Variants in ZNF516 observed in about 807,000 individuals in gnomAD.
ZNF516 encodes zinc finger protein 516.
In ZNF516, 19 loss-of-function variants were observed where a neutral mutation model predicts 79.7. The observed-to-expected ratio is 0.24, with a 90% CI of 0.17 to 0.35. The LOEUF is 0.35. ZNF516 is among the 10% of genes least tolerant of loss of function. The pLI is 1.00. For missense variants in ZNF516, 1,678 were observed against 1,679.5 expected (o/e 1.00, Z 0.02); for synonymous variants, 877 against 739.5 (o/e 1.19, Z -3.02).
chr18:76,395,436 C>T lies in ZNF516; in HGVS notation c.1811-15133G>A, dbSNP rs190887727. 2.6e-5 allele frequency among the ~76,000 whole-genome samples: 4 copies of T among 152,286 alleles called. No homozygotes were observed. In the East Asian group the frequency reaches 7.7e-4, roughly 29 times the overall value. ...GGAGTCATTTAATATCCAAGACTCA[C>T]ATGCAATGAGACAGTGCACAGGAAA... On this transcript the variant is annotated intron_variant, in intron 3 of 6. Transcript: ENST00000443185.
intron 3 of ZNF516, among the ~76,000 whole-genome samples, chr18:76,429,796 G>A (rs1012317317): frequency 6.6e-6 from 1 of 152,208 alleles, no homozygotes; most frequent in Non-Finnish European, 1.5e-5. Context: ...CCGAGCAGTG[G>A]CTACGGAAAA....
chr18:76,359,732 A>C lies in ZNF516; in HGVS notation c.*2766T>G, dbSNP rs1489264112. The C allele has an allele frequency of 6.6e-6, 1 of 152,156 alleles. No individual in the cohort carries two copies. The highest frequency in any genetic ancestry group is 1.5e-5 in the Non-Finnish European group (1 of 68,030). 9.4% of individuals were successfully genotyped at this position (152,156 alleles called of 1,614,324 possible). Reference sequence around the variant, plus strand: ...ACGCAACACTGTAAAAAATCCTGTTAAGAAACAAGGAAACAGCAGATCGGG... The same window carrying C: ...ACGCAACACTGTAAAAAATCCTGTTCAGAAACAAGGAAACAGCAGATCGGG... On this transcript the variant is annotated 3_prime_UTR_variant, in exon 7 of 7. Transcript: ENST00000443185.
At chr18:76,413,371 G>A (rs1278701251) in intron 3 of ZNF516, among the ~76,000 whole-genome samples, 3 of 152,158 alleles carry the variant, frequency 2.0e-5, no homozygotes, top group Non-Finnish European at 4.4e-5. Flanking sequence ...TAGGCAGCAG[G>A]GAGAGGGTAT....
chr18:76,461,248 GCTC>G (rs1913089775), intron 2 of ZNF516, among the ~76,000 whole-genome samples: 1 of 152,150 alleles, frequency 6.6e-6, no homozygotes, highest in Non-Finnish European at 1.5e-5. Flanking sequence ...CCTAAACCAA[GCTC>G]CTCCTGGACA....
intron 3 of ZNF516, among the ~76,000 whole-genome samples, chr18:76,412,593 T>C (rs1448926528): frequency 6.6e-6 from 1 of 151,708 alleles, no homozygotes; most frequent in Non-Finnish European, 1.5e-5. Flanking sequence ...AGGACTGCAA[T>C]GCACTGGGTA....
intron 3 of ZNF516, among the ~76,000 whole-genome samples, chr18:76,429,588 T>A (rs2075636927): frequency 1.3e-5 from 2 of 152,148 alleles, no homozygotes; most frequent in South Asian, 4.1e-4. Flanking sequence ...GGACACCCTG[T>A]GACCAGGGAA....
At chr18:76,398,706 A>G (rs28565339) in intron 3 of ZNF516, among the ~76,000 whole-genome samples, 2,423 of 152,308 alleles carry the variant, frequency 0.016, 83 homozygotes, top group African/African-American at 0.056. Context: ...TCTCCTACAC[A>G]AAGTGTTTTA....
intron 3 of ZNF516, among the ~76,000 whole-genome samples, chr18:76,380,793 G>GTCCAAAGGACCCCCCGTGTCTGCC (rs1194797763): frequency 1.4e-5 from 2 of 144,528 alleles, no homozygotes; most frequent in Non-Finnish European, 3.1e-5. Flanking sequence ...AGCTTACTCT[G>GTCCAAAGGACCCCCCGTGTCTGCC]TCCAAAGGAC....
At chr18:76,373,415 C>G (rs2074739429) in intron 4 of ZNF516, among the ~76,000 whole-genome samples, 1 of 152,124 alleles carries the variant, frequency 6.6e-6, no homozygotes, top group African/African-American at 2.4e-5. Flanking sequence ...AGAAACACCA[C>G]CCAGTGGAGC....
chr18:76,387,594 C>T (rs2075013019), intron 3 of ZNF516: 1 of 152,204 alleles, frequency 6.6e-6, no homozygotes, highest in Non-Finnish European at 1.5e-5. Flanking sequence ...ACGTGATTTT[C>T]TTTTTTCAGA....
chr18:76,487,309 A>C lies in ZNF516; in HGVS notation c.-272+7835T>G, dbSNP rs1176858414. 3.3e-5 allele frequency among the ~76,000 whole-genome samples: 5 copies of C among 152,216 alleles called. No individual in the cohort carries two copies. In the South Asian group the frequency reaches 8.3e-4, roughly 25 times the overall value. ...CCAGATGCAGAGCATAAGGAATGCA[A>C]AACAGACAGTTGCAACTGCTGGTTT... is the stretch of plus-strand genomic sequence containing the variant. On this transcript the variant is annotated intron_variant, in intron 1 of 6. Transcript: ENST00000443185.
intron 3 of ZNF516, 137 bp from the exon 4 acceptor site, chr18:76,380,440 C>T: frequency 8.7e-7 from 1 of 1,144,900 alleles, no homozygotes; most frequent in Non-Finnish European, 1.2e-6. Flanking sequence ...CTGGGTGGCT[C>T]TTAGAAAACC....
intron 3 of ZNF516, among the ~76,000 whole-genome samples, chr18:76,427,973 A>G (rs2554836): frequency 0.98 from 150,001 of 152,338 alleles, 73,850 homozygotes; most frequent in East Asian, 1. Context: ...TATTGAGGGC[A>G]TGGAGAAACA....
rs745555957 is a variant in ZNF516, at chr18:76,442,338, G to A, written c.717C>T (p.Gly239=). The A allele has an allele frequency of 5.6e-6, 9 of 1,610,822 alleles. No homozygotes were observed. In the South Asian group the frequency reaches 6.6e-5, roughly 12 times the overall value. The change falls in exon 3 of 7, where the codon GGC becomes GGT. Residue 239 remains glycine, a synonymous_variant. Coordinates refer to ENST00000443185, the MANE Select transcript of ZNF516 (RefSeq NM_014643.4). The part of the protein sequence containing the change: ...PGSGEACVEN[G]KPELSPGEFP... ...ACTCCCCGGGGCTCAGCTCGGGCTT[G>A]CCGTTCTCCACGCAGGCCTCGCCGC...
At chr18:76,384,291 C>A (rs1486060062) in intron 3 of ZNF516, among the ~76,000 whole-genome samples, 1 of 141,470 alleles carries the variant, frequency 7.1e-6, no homozygotes, top group Non-Finnish European at 1.6e-5. Context: ...CCAGGGCCCA[C>A]ACGCCTTCCT....
intron 3 of ZNF516, among the ~76,000 whole-genome samples, chr18:76,422,807 A>G (rs2075525162): frequency 6.6e-6 from 1 of 152,164 alleles, no homozygotes; most frequent in Non-Finnish European, 1.5e-5. Context: ...ACAGGTTAGA[A>G]AGAAATCTCC....
At chr18:76,456,338 C>T (rs1196215155) in intron 2 of ZNF516, among the ~76,000 whole-genome samples, 1 of 152,216 alleles carries the variant, frequency 6.6e-6, no homozygotes, top group Non-Finnish European at 1.5e-5. Context: ...GAGATAAGCA[C>T]GCTGGAGACC....
intron 1 of ZNF516, among the ~76,000 whole-genome samples, chr18:76,494,800 G>A (rs1014849852): frequency 4.6e-5 from 7 of 151,426 alleles, no homozygotes; most frequent in Non-Finnish European, 8.8e-5. Context: ...CGTCGCCTTT[G>A]ACAAAGTGTA....
Position 76,441,654 on chromosome 18 carries a change from C to T in ZNF516, c.1401G>A (p.Glu467=). 6.5e-7 allele frequency: 1 copy of T among 1,543,280 alleles called. No individual in the cohort carries two copies. Residue 467 remains glutamate (E), a synonymous_variant, in exon 3 of 7, where the codon GAG becomes GAA. Coordinates refer to ENST00000443185, the MANE Select transcript of ZNF516 (RefSeq NM_014643.4). ...GCCCCTGCGCGGCTGGTGCATCCTG[C>T]TCACGCTTGCGCTTCTCCTGGCTCA... ...VLVSQEKRKR[E]QDAPAAQGPP...
Sources: gnomAD v4.1 joint callset for allele counts (sites outside exome capture counted in the v4.1 genomes callset) on GRCh38, gnomAD v4.1.1 for gene constraint, MANE v1.5 for transcripts, NCBI Gene and HGNC (gene_info 2026-07-23, HGNC 2026-07-21) for gene names.